PRELID2: variants seen among roughly 807,000 people sequenced by gnomAD.
PRELID2 encodes the protein PRELI domain-containing protein 2.
Under a neutral mutation model 28.4 loss-of-function variants are expected in PRELID2, and 25 were observed. The observed-to-expected ratio is 0.88, with a 90% confidence interval of 0.64 to 1.23. The LOEUF (loss-of-function observed/expected upper bound fraction) is 1.23, where lower values mean the gene tolerates loss of function less well. Ranked by LOEUF, PRELID2 falls within the 50% of genes most tolerant of loss-of-function variation. The probability of loss-of-function intolerance (pLI) is 0.00; values close to 1 mark genes in which losing one functional copy is unlikely to be tolerated. For missense variants in PRELID2, 201 were observed against 214.4 expected (o/e 0.94, Z 0.39); for synonymous variants, 76 against 71.6 (o/e 1.06, Z -0.31).
At chr5:145,296,167 T>A in the PRELID2 span, among the ~76,000 whole-genome samples, 1 of 151,752 alleles carries the variant, frequency 6.6e-6, no homozygotes, top group Non-Finnish European at 1.5e-5. Flanking sequence ...TAGCAGGTTT[T>A]TTTTGGTTTT....
intron 1 of PRELID2, among the ~76,000 whole-genome samples, chr5:145,700,961 G>A (rs561114456): frequency 5.1e-4 from 77 of 152,202 alleles, no homozygotes; most frequent in Non-Finnish European, 9.1e-4. Flanking sequence ...GACCACTTGT[G>A]GAAATTACAG....
intron 1 of PRELID2, among the ~76,000 whole-genome samples, chr5:145,602,174 C>T (rs1430181695): frequency 2.0e-5 from 3 of 152,034 alleles, no homozygotes; most frequent in Non-Finnish European, 4.4e-5. Context: ...ATAGTAAAGC[C>T]CAAGGAGTTA....
chr5:145,244,918 A>G, the PRELID2 span, among the ~76,000 whole-genome samples: 2 of 152,112 alleles, frequency 1.3e-5, no homozygotes, highest in African/African-American at 2.4e-5. Context: ...CACATAAAAG[A>G]AAACAGAGTT....
At chr5:145,488,956 G>T (rs1752245124) in intron 1 of PRELID2, among the ~76,000 whole-genome samples, 1 of 152,114 alleles carries the variant, frequency 6.6e-6, no homozygotes, top group Non-Finnish European at 1.5e-5. Flanking sequence ...TAACAACATT[G>T]TTAAAAGAGG....
At chr5:145,293,318 AC>A in the PRELID2 span, among the ~76,000 whole-genome samples, 1 of 152,224 alleles carries the variant, frequency 6.6e-6, no homozygotes, top group Non-Finnish European at 1.5e-5. Flanking sequence ...TTATCTCATA[AC>A]AATAATTTTA....
chr5:145,343,684 GAAATA>G, the PRELID2 span, among the ~76,000 whole-genome samples: 1 of 151,324 alleles, frequency 6.6e-6, no homozygotes, highest in Non-Finnish European at 1.5e-5. Context: ...AGAACTAAAT[GAAATA>G]GAGACCAAAA....
the PRELID2 span, among the ~76,000 whole-genome samples, chr5:145,251,493 T>G: frequency 0.015 from 2,236 of 152,196 alleles, 49 homozygotes; most frequent in African/African-American, 0.049. Context: ...CTAAAATAAT[T>G]TGCAGGCACT....
At chr5:145,412,712 C>T in the PRELID2 span, among the ~76,000 whole-genome samples, 1 of 151,960 alleles carries the variant, frequency 6.6e-6, no homozygotes, top group Non-Finnish European at 1.5e-5. Flanking sequence ...CTCCTGGTAC[C>T]AATTTACTGC....
chr5:145,655,444 C>T (rs959616559), intron 1 of PRELID2, among the ~76,000 whole-genome samples: 18 of 152,208 alleles, frequency 1.2e-4, no homozygotes, highest in African/African-American at 4.3e-4. Context: ...ATTGCCAAAA[C>T]AATTCTAAGC....
intron 1 of PRELID2, among the ~76,000 whole-genome samples, chr5:145,545,846 T>C (rs1270542067): frequency 1.3e-5 from 2 of 152,180 alleles, no homozygotes; most frequent in Non-Finnish European, 2.9e-5. Context: ...TAAATAACTT[T>C]TTTTAACATA....
intron 1 of PRELID2, among the ~76,000 whole-genome samples, chr5:145,641,693 G>A (rs1420215674): frequency 6.6e-6 from 1 of 152,198 alleles, no homozygotes. Flanking sequence ...AGGCCCTGGT[G>A]TGTGATGTTC....
chr5:145,810,295 T>C lies in PRELID2; in HGVS notation c.368+7599A>G, dbSNP rs763715682. Among the ~76,000 whole-genome samples, 44 of 152,174 alleles carry C rather than the reference T, an allele frequency of 2.9e-4. 1 individual carries two copies. The highest frequency in any genetic ancestry group is 1.9e-4 in the Non-Finnish European group (13 of 68,030). On this transcript the variant is annotated intron_variant, in intron 4 of 6. Coordinates refer to ENST00000683046, the MANE Select transcript of PRELID2 (RefSeq NM_205846.3). Reference sequence around the variant, plus strand: ...GGCAAAATAGAGCATGAGCATGGCATCTCTCATTCTACACATTCAAGCAGT... The same window carrying C: ...GGCAAAATAGAGCATGAGCATGGCACCTCTCATTCTACACATTCAAGCAGT...
At chr5:145,632,336 C>A (rs1192969497) in intron 1 of PRELID2, among the ~76,000 whole-genome samples, 1 of 152,150 alleles carries the variant, frequency 6.6e-6, no homozygotes, top group Non-Finnish European at 1.5e-5. Context: ...ACCCTTTCAC[C>A]TGGTTAATTG....
chr5:145,440,286 C>T, the PRELID2 span, among the ~76,000 whole-genome samples: 2 of 152,110 alleles, frequency 1.3e-5, no homozygotes, highest in Non-Finnish European at 2.9e-5. Flanking sequence ...TGAACCATCG[C>T]AAACAGAAAT....
At chr5:145,750,841 CA>C (rs1247376279) in intron 1 of PRELID2, among the ~76,000 whole-genome samples, 26 of 152,226 alleles carry the variant, frequency 1.7e-4, no homozygotes, top group African/African-American at 5.8e-4. Context: ...TTACAAGAAT[CA>C]AGAATCACAA....
At chr5:145,264,379 T>C in the PRELID2 span, among the ~76,000 whole-genome samples, 519 of 151,994 alleles carry the variant, frequency 3.4e-3, 1 homozygote, top group African/African-American at 0.012. Flanking sequence ...TACACAGAAT[T>C]AAAAACAAAA....
At chr5:145,657,110 AT>A (rs1382356746) in intron 1 of PRELID2, among the ~76,000 whole-genome samples, 1 of 152,138 alleles carries the variant, frequency 6.6e-6, no homozygotes, top group African/African-American at 2.4e-5. Flanking sequence ...GCTATTCAAA[AT>A]TTTATTACTG....
At chr5:145,276,977 G>T in the PRELID2 span, among the ~76,000 whole-genome samples, 1 of 152,136 alleles carries the variant, frequency 6.6e-6, no homozygotes, top group African/African-American at 2.4e-5. Context: ...CAGGAGAAAT[G>T]AAGTCCAGGT....
intron 5 of PRELID2, among the ~76,000 whole-genome samples, chr5:145,769,768 G>C (rs1462999321): frequency 6.6e-6 from 1 of 152,194 alleles, no homozygotes; most frequent in African/African-American, 2.4e-5. Context: ...TGTAAGGAAG[G>C]GCAGGGAAGC....
Sources: allele counts gnomAD v4.1 joint callset (sites outside exome capture counted in the v4.1 genomes callset), GRCh38; gene constraint gnomAD v4.1.1; transcripts MANE v1.5; gene names NCBI Gene and HGNC (gene_info 2026-07-23, HGNC 2026-07-21).